CALN1: variants seen among roughly 807,000 people sequenced by gnomAD.
The protein encoded by CALN1 is calcium-binding protein 8.
Under a neutral mutation model 30.6 loss-of-function variants are expected in CALN1, and 17 were observed. The ratio of observed to expected loss-of-function variants is 0.56; its 90% CI spans 0.38 to 0.83. The LOEUF (loss-of-function observed/expected upper bound fraction) is 0.83, where lower values mean the gene tolerates loss of function less well. Among genes scored for constraint, CALN1 ranks in the 40% least tolerant of loss-of-function variants. The probability of loss-of-function intolerance (pLI) is 0.00; values close to 1 mark genes in which losing one functional copy is unlikely to be tolerated. For synonymous variants in CALN1, 156 were observed against 131.4 expected (o/e 1.19, Z -1.28); for missense variants, 291 against 354.9 (o/e 0.82, Z 1.45).
chr7:71,908,534 T>C lies in CALN1; in HGVS notation c.502-98042A>G, dbSNP rs369855643. ...GAATAGAAGATAAAAATTCCTTTCTTTAATTTCCAAAGTTCACTGATTCAC... is the reference window on the plus strand; with the variant it reads ...GAATAGAAGATAAAAATTCCTTTCTCTAATTTCCAAAGTTCACTGATTCAC... On this transcript the variant is annotated intron_variant, in intron 5 of 6. Coordinates refer to ENST00000395275, the MANE Select transcript of CALN1 (RefSeq NM_031468.4). 2.4e-4 allele frequency among the ~76,000 whole-genome samples: 37 copies of C among 152,266 alleles called. 1 individual carries two copies. In the South Asian group the frequency reaches 7.5e-3, roughly 31 times the overall value.
chr7:72,193,080 T>TG (rs1238387465), intron 3 of CALN1, among the ~76,000 whole-genome samples: 1 of 151,500 alleles, frequency 6.6e-6, no homozygotes, highest in African/African-American at 2.4e-5. Flanking sequence ...CCCAGCTACT[T>TG]GGGAGGCTGA....
At chr7:72,239,221 A>G (rs1794679359) in intron 3 of CALN1, among the ~76,000 whole-genome samples, 1 of 152,006 alleles carries the variant, frequency 6.6e-6, no homozygotes, top group Non-Finnish European at 1.5e-5. Flanking sequence ...GCACACCAAG[A>G]CCCCACCTTT....
At chr7:72,088,453 C>A (rs1423881934) in intron 4 of CALN1, among the ~76,000 whole-genome samples, 1 of 152,086 alleles carries the variant, frequency 6.6e-6, no homozygotes, top group Non-Finnish European at 1.5e-5. Context: ...AATCCCAGCA[C>A]TTAGAGAGGC....
At chr7:72,291,871 C>T (rs1382575674) in intron 2 of CALN1, among the ~76,000 whole-genome samples, 1 of 151,992 alleles carries the variant, frequency 6.6e-6, no homozygotes, top group African/African-American at 2.4e-5. Context: ...CTTGGCCTCC[C>T]AAAGTACTGG....
At chr7:72,349,243 A>G (rs1802796494) in intron 2 of CALN1, among the ~76,000 whole-genome samples, 1 of 151,938 alleles carries the variant, frequency 6.6e-6, no homozygotes. Context: ...TTTAATACCT[A>G]AAGCGAGAGA....
At chr7:71,808,441 TTAA>T (rs1275146173) in intron 6 of CALN1, among the ~76,000 whole-genome samples, 1 of 151,682 alleles carries the variant, frequency 6.6e-6, no homozygotes, top group Admixed American at 6.6e-5. Context: ...AGTATGGTTA[TTAA>T]TAAATATAAT....
intron 1 of CALN1, among the ~76,000 whole-genome samples, chr7:72,404,968 TG>T (rs1806601814): frequency 2.6e-5 from 4 of 152,262 alleles, no homozygotes; most frequent in Admixed American, 2.6e-4. Context: ...ACCAACTAGA[TG>T]CTTTGTAATT....
chr7:72,501,069 G>A, the CALN1 span, among the ~76,000 whole-genome samples: 1 of 152,112 alleles, frequency 6.6e-6, no homozygotes, highest in East Asian at 1.9e-4. Flanking sequence ...AGACAATTCT[G>A]TCTCTCCTCT....
intron 3 of CALN1, among the ~76,000 whole-genome samples, chr7:72,255,814 T>G (rs1490463732): frequency 6.6e-6 from 1 of 151,366 alleles, no homozygotes. Flanking sequence ...CACTGCAACC[T>G]CCGTCTCCCG....
intron 1 of CALN1, among the ~76,000 whole-genome samples, chr7:72,438,871 T>A (rs1338260691): frequency 6.6e-6 from 1 of 152,224 alleles, no homozygotes; most frequent in Non-Finnish European, 1.5e-5. Context: ...ACATATAAAT[T>A]TGCATGCTAT....
chr7:72,078,173 A>T (rs1804878505), intron 4 of CALN1, among the ~76,000 whole-genome samples: 2 of 152,292 alleles, frequency 1.3e-5, no homozygotes, highest in Non-Finnish European at 1.5e-5. Context: ...TATGTTTGGT[A>T]AAATTTTTGA....
chr7:71,926,733 A>AT (rs140187550), intron 5 of CALN1, among the ~76,000 whole-genome samples: 3,530 of 152,060 alleles, frequency 0.023, 143 homozygotes, highest in African/African-American at 0.078. Flanking sequence ...ATTTCTATTG[A>AT]TTCACCTTTA....
chr7:72,101,045 C>A (rs1563058100), intron 4 of CALN1, among the ~76,000 whole-genome samples: 1 of 151,742 alleles, frequency 6.6e-6, no homozygotes, highest in Non-Finnish European at 1.5e-5. Context: ...CTTACTGCAA[C>A]CTCTGCCTCC....
chr7:72,387,706 G>A (rs914544500), intron 2 of CALN1, among the ~76,000 whole-genome samples: 7 of 152,092 alleles, frequency 4.6e-5, no homozygotes, highest in South Asian at 4.2e-4. Flanking sequence ...CAGGATCATC[G>A]AAAATAAGAA....
At chr7:72,268,337 AAAG>A (rs1042639234) in intron 3 of CALN1, among the ~76,000 whole-genome samples, 2 of 152,144 alleles carry the variant, frequency 1.3e-5, no homozygotes, top group African/African-American at 4.8e-5. Flanking sequence ...AGACAAAAAA[AAAG>A]AAGGGATTCA....
Position 71,827,193 on chromosome 7 carries a change from G to A in CALN1, c.502-16701C>T, listed in dbSNP as rs557676901. Among the ~76,000 whole-genome samples, 8 of 152,296 alleles carry A rather than the reference G, an allele frequency of 5.3e-5. No individual in the cohort carries two copies. The East Asian group carries it at 1.6e-3, about 30-fold the overall frequency. The stretch of plus-strand genomic sequence containing the variant: ...AAATGAAGACCTGTGAATACAGACA[G>A]CTTGTCTGGGAGCTAAGCCCATTGG... On this transcript the variant is annotated intron_variant, in intron 5 of 6. Transcript: ENST00000395275.
chr7:72,088,015 A>G (rs1228336747), intron 4 of CALN1, among the ~76,000 whole-genome samples: 3 of 152,082 alleles, frequency 2.0e-5, no homozygotes, highest in Non-Finnish European at 4.4e-5. Flanking sequence ...AGAAATTGAA[A>G]AAATTTGCCA....
At chr7:71,814,876 C>G (rs184883158) in intron 5 of CALN1, among the ~76,000 whole-genome samples, 1 of 151,678 alleles carries the variant, frequency 6.6e-6, no homozygotes, top group African/African-American at 2.4e-5. Flanking sequence ...CTCTGTCCCC[C>G]ACCCTGGAGT....
intron 2 of CALN1, among the ~76,000 whole-genome samples, chr7:72,285,339 G>T (rs1407722651): frequency 2.0e-5 from 3 of 152,154 alleles, no homozygotes; most frequent in Admixed American, 2.0e-4. Flanking sequence ...CGCCTCCCGG[G>T]TTCATGCCAT....
Sources: allele counts gnomAD v4.1 joint callset (sites outside exome capture counted in the v4.1 genomes callset), GRCh38; gene constraint gnomAD v4.1.1; transcripts MANE v1.5; gene names NCBI Gene and HGNC (gene_info 2026-07-23, HGNC 2026-07-21).